EFHD1: variants seen among roughly 807,000 people sequenced by gnomAD.
EFHD1 encodes EF-hand domain family member D1.
Under a neutral mutation model 17.2 loss-of-function variants are expected in EFHD1, and 10 were observed. The observed-to-expected ratio is 0.58, with a 90% CI of 0.36 to 0.99. EFHD1 has a LOEUF of 0.99. EFHD1 is among the 50% of genes least tolerant of loss of function. The pLI is 0.01. For synonymous variants in EFHD1, 153 were observed against 142.0 expected (o/e 1.08, Z -0.55); for missense variants, 310 against 327.5 (o/e 0.95, Z 0.41).
chr2:232,618,674 G>T (rs1351221373), intron 1 of EFHD1, among the ~76,000 whole-genome samples: 2 of 147,956 alleles, frequency 1.4e-5, no homozygotes, highest in African/African-American at 5.0e-5. Context: ...AGTGAGCCAT[G>T]ATTGCACCAC....
chr2:232,649,364 G>C (rs2106202813), intron 1 of EFHD1, among the ~76,000 whole-genome samples: 1 of 152,330 alleles, frequency 6.6e-6, no homozygotes, highest in Admixed American at 6.5e-5. Flanking sequence ...ACTAGTAGAT[G>C]AGTTGAGAAG....
At chr2:232,606,368 G>T (rs1170534418) in intron 1 of EFHD1, among the ~76,000 whole-genome samples, 1 of 152,190 alleles carries the variant, frequency 6.6e-6, no homozygotes, top group African/African-American at 2.4e-5. Context: ...CTCCGCGCCG[G>T]CTGGTCTCCC....
chr2:232,679,983 G>C (rs1023835389), intron 3 of EFHD1, among the ~76,000 whole-genome samples: 1 of 152,012 alleles, frequency 6.6e-6, no homozygotes, highest in Non-Finnish European at 1.5e-5. Context: ...TTTAAATAAC[G>C]TACATAAGGC....
intron 1 of EFHD1, among the ~76,000 whole-genome samples, chr2:232,615,589 G>A (rs1330875270): frequency 6.6e-6 from 1 of 151,996 alleles, no homozygotes; most frequent in Non-Finnish European, 1.5e-5. Flanking sequence ...CTGAGAGTCT[G>A]CAGGACGCCT....
At chr2:232,681,029 AC>A (rs1695272787) in intron 3 of EFHD1, among the ~76,000 whole-genome samples, 1 of 151,926 alleles carries the variant, frequency 6.6e-6, no homozygotes, top group Non-Finnish European at 1.5e-5. Context: ...GGTGGCGTGC[AC>A]CTGTAGTCCC....
intron 1 of EFHD1, 73 bp downstream of exon 1, chr2:232,634,079 C>G (rs1694266814): frequency 6.4e-7 from 1 of 1,569,842 alleles, no homozygotes; most frequent in South Asian, 1.1e-5. Flanking sequence ...TCCGAAGTCC[C>G]GGGCCCTGTT....
At chr2:232,665,159 C>A (rs1300953239) in intron 2 of EFHD1, among the ~76,000 whole-genome samples, 1 of 152,194 alleles carries the variant, frequency 6.6e-6, no homozygotes, top group East Asian at 1.9e-4. Context: ...TGGACTTGGT[C>A]TTTGAACCTC....
intron 2 of EFHD1, 31 bp downstream of exon 2, chr2:232,662,980 TG>T: frequency 1.3e-6 from 2 of 1,537,642 alleles, no homozygotes; most frequent in Non-Finnish European, 1.7e-6. Flanking sequence ...TGAGCCCCTG[TG>T]GGGTGCCCCT....
intron 3 of EFHD1, 46 bp from the exon 4 acceptor site, chr2:232,681,539 C>T (rs1280576129): frequency 6.3e-7 from 1 of 1,596,296 alleles, no homozygotes; most frequent in African/African-American, 1.3e-5. Flanking sequence ...CCAGGGTCCT[C>T]TGCCCTCCCT....
chr2:232,670,346 C>T (rs145533343), intron 2 of EFHD1, among the ~76,000 whole-genome samples: 4,962 of 151,748 alleles, frequency 0.033, 183 homozygotes, highest in East Asian at 0.21. Context: ...GAGGCTGAGG[C>T]GGGAGGATCA....
chr2:232,615,382 G>A (rs1693909417), intron 1 of EFHD1, among the ~76,000 whole-genome samples: 1 of 149,504 alleles, frequency 6.7e-6, no homozygotes, highest in African/African-American at 2.5e-5. Context: ...GAAGGTCAAG[G>A]TTGATACTGT....
chr2:232,645,366 C>G (rs1694509628), intron 1 of EFHD1, among the ~76,000 whole-genome samples: 1 of 152,156 alleles, frequency 6.6e-6, no homozygotes, highest in Non-Finnish European at 1.5e-5. Context: ...GAGACCCCCA[C>G]CCCACAGGGC....
intron 1 of EFHD1, among the ~76,000 whole-genome samples, chr2:232,628,272 G>A (rs945418460): frequency 1.3e-5 from 2 of 152,246 alleles, no homozygotes; most frequent in South Asian, 4.2e-4. Context: ...TGTTGGCCAG[G>A]CTGGTCTTGA....
At chr2:232,657,994 A>G (rs947404317) in intron 1 of EFHD1, among the ~76,000 whole-genome samples, 2 of 134,470 alleles carry the variant, frequency 1.5e-5, no homozygotes, top group Admixed American at 1.7e-4. Context: ...TCTGCCTCCC[A>G]GGTTCAACAG....
chr2:232,672,581 C>A, intron 3 of EFHD1, 138 bp downstream of exon 3: 1 of 1,232,616 alleles, frequency 8.1e-7, no homozygotes, highest in Non-Finnish European at 1.1e-6. Flanking sequence ...GCTCTGCCAA[C>A]CAGCAAGTGG....
At position 232,681,737 on chromosome 2, in the gene EFHD1, T is replaced by A. The variant is rs1395478441; in HGVS notation, c.*18T>A. On this transcript the variant is annotated 3_prime_UTR_variant, in exon 4 of 4. Coordinates refer to ENST00000264059, the MANE Select transcript of EFHD1 (RefSeq NM_025202.4). The stretch of plus-strand genomic sequence containing the variant: ...ATACATAGTCCTGCTGACCTTGCCC[T>A]CTGCCCACAGCTGTGCCTCACAGAT... 1.2e-6 allele frequency: 2 copies of A among 1,612,012 alleles called. No homozygotes were observed. Among genetic ancestry groups the A allele is most frequent in the Non-Finnish European group, 1.7e-6 (2 of 1,179,016 alleles).
In EFHD1 at chr2:232,633,860, C is replaced by T. The variant is rs1231068338; in HGVS notation, c.156C>T (p.Asp52=). 1 of 1,513,442 alleles carries T rather than the reference C, an allele frequency of 6.6e-7. No individual in the cohort carries two copies. The highest frequency in any genetic ancestry group is 8.8e-7 in the Non-Finnish European group (1 of 1,139,666). 93.8% of individuals were successfully genotyped at this position (1,513,442 alleles called of 1,614,324 possible). The change falls in exon 1 of 4, where the codon GAC becomes GAT. Residue 52 remains aspartate (D), a synonymous_variant. Coordinates refer to ENST00000264059, the MANE Select transcript of EFHD1 (RefSeq NM_025202.4). ...PPARAPTASA[D]AELSAQLSRR... ...CCCGTGCGCCCACGGCCAGCGCCGACGCGGAGCTGAGCGCCCAGCTGAGCC... is the reference window on the plus strand; with the variant it reads ...CCCGTGCGCCCACGGCCAGCGCCGATGCGGAGCTGAGCGCCCAGCTGAGCC...
intron 1 of EFHD1, among the ~76,000 whole-genome samples, chr2:232,622,136 C>T (rs1042600834): frequency 5.3e-5 from 8 of 152,306 alleles, no homozygotes; most frequent in Non-Finnish European, 8.8e-5. Context: ...CCCACTACCA[C>T]GGAATTCCTG....
chr2:232,643,210 T>G (rs745718951), intron 1 of EFHD1, among the ~76,000 whole-genome samples: 34 of 150,656 alleles, frequency 2.3e-4, no homozygotes, highest in Non-Finnish European at 3.1e-4. Context: ...AAAGAAAAAA[T>G]AAACAATGAG....
Sources: allele counts gnomAD v4.1 joint callset (sites outside exome capture counted in the v4.1 genomes callset), GRCh38; gene constraint gnomAD v4.1.1; transcripts MANE v1.5; gene names NCBI Gene and HGNC (gene_info 2026-07-23, HGNC 2026-07-21).